Variants in CAMTA1 observed in about 807,000 individuals in gnomAD.
The protein encoded by CAMTA1 is calmodulin binding transcription activator 1, also known as calmodulin-binding transcription activator 1.
In CAMTA1, 27 loss-of-function variants were observed where a neutral mutation model predicts 170.9. The observed-to-expected ratio is 0.16, with a 90% CI of 0.12 to 0.22. The LOEUF is 0.22. CAMTA1 is among the 10% of genes least tolerant of loss of function. The probability of loss-of-function intolerance (pLI) is 1.00; values close to 1 mark genes in which losing one functional copy is unlikely to be tolerated. For synonymous variants in CAMTA1, 833 were observed against 891.5 expected (o/e 0.93, Z 1.17); for missense variants, 1,619 against 2,217.2 (o/e 0.73, Z 5.42).
At chr1:7,603,171 T>C (rs1366454331) in intron 6 of CAMTA1, among the ~76,000 whole-genome samples, 1 of 152,178 alleles carries the variant, frequency 6.6e-6, no homozygotes, top group Non-Finnish European at 1.5e-5. Context: ...TGATTTGGGG[T>C]GGAGAGTTCT....
intron 11 of CAMTA1, among the ~76,000 whole-genome samples, chr1:7,711,732 G>T (rs940337520): frequency 6.6e-6 from 1 of 152,172 alleles, no homozygotes; most frequent in African/African-American, 2.4e-5. Flanking sequence ...CTCTTTTCTA[G>T]TGAAAGAAGC....
chr1:7,408,215 G>A (rs2090440997), intron 5 of CAMTA1, among the ~76,000 whole-genome samples: 1 of 151,538 alleles, frequency 6.6e-6, no homozygotes, highest in African/African-American at 2.4e-5. Context: ...CCCCCGGCAA[G>A]CCTGGCGATG....
At chr1:6,900,008 G>T (rs1676584767) in intron 3 of CAMTA1, among the ~76,000 whole-genome samples, 1 of 152,316 alleles carries the variant, frequency 6.6e-6, no homozygotes, top group East Asian at 1.9e-4. Flanking sequence ...GTGTCTCTTT[G>T]CTGGTGGGAA....
At chr1:7,001,206 C>A (rs533394621) in intron 3 of CAMTA1, among the ~76,000 whole-genome samples, 9 of 152,264 alleles carry the variant, frequency 5.9e-5, no homozygotes, top group Admixed American at 3.9e-4. Flanking sequence ...GCACTTCTCA[C>A]CATTTCATAA....
At chr1:7,460,923 G>A (rs2093070693) in intron 5 of CAMTA1, among the ~76,000 whole-genome samples, 4 of 152,228 alleles carry the variant, frequency 2.6e-5, no homozygotes, top group South Asian at 2.1e-4. Context: ...CTGTGGTGGT[G>A]TGGAGGCCAC....
chr1:7,350,243 G>A (rs2084554360), intron 5 of CAMTA1, among the ~76,000 whole-genome samples: 1 of 152,120 alleles, frequency 6.6e-6, no homozygotes, highest in South Asian at 2.1e-4. Flanking sequence ...CAGGAACAGT[G>A]GATGCCGGAT....
At chr1:7,608,987 G>T (rs1019069706) in intron 6 of CAMTA1, among the ~76,000 whole-genome samples, 1 of 152,064 alleles carries the variant, frequency 6.6e-6, no homozygotes. Context: ...GTGAGGGCAG[G>T]AGCTGTCTGG....
intron 5 of CAMTA1, among the ~76,000 whole-genome samples, chr1:7,408,809 TG>T (rs1482007578): frequency 6.6e-6 from 1 of 152,172 alleles, no homozygotes; most frequent in East Asian, 1.9e-4. Context: ...AATTGGCAGG[TG>T]GGGAAACTGA....
At chr1:6,795,017 G>A (rs906260573) in intron 1 of CAMTA1, among the ~76,000 whole-genome samples, 1 of 151,704 alleles carries the variant, frequency 6.6e-6, no homozygotes, top group Admixed American at 6.6e-5. Flanking sequence ...GTAGGCCTGT[G>A]CTGGGTCATT....
intron 5 of CAMTA1, among the ~76,000 whole-genome samples, chr1:7,353,696 T>A (rs2084877643): frequency 6.6e-6 from 1 of 152,182 alleles, no homozygotes; most frequent in African/African-American, 2.4e-5. Flanking sequence ...AGTGCTGGGA[T>A]TACAGGTGTG....
At position 7,764,718 on chromosome 1, in the gene CAMTA1, G is replaced by C. The variant is rs2097004196; in HGVS notation, c.4990-1741G>C. Among the ~76,000 whole-genome samples, 3 of 152,136 alleles carry C rather than the reference G, an allele frequency of 2.0e-5. No individual in the cohort carries two copies. In the South Asian group the frequency reaches 6.2e-4, roughly 31 times the overall value. On this transcript the variant is annotated intron_variant, in intron 22 of 22. Transcript: ENST00000303635. Reference sequence around the variant, plus strand: ...CTCATGCCTGTAATTCAAGCACTTTGGGAGGCTGAGGTGGGCAGATCACTT... The same window carrying C: ...CTCATGCCTGTAATTCAAGCACTTTCGGAGGCTGAGGTGGGCAGATCACTT...
intron 6 of CAMTA1, among the ~76,000 whole-genome samples, chr1:7,566,181 G>A (rs2095039264): frequency 6.6e-6 from 1 of 152,200 alleles, no homozygotes; most frequent in Non-Finnish European, 1.5e-5. Flanking sequence ...CTAGAGACTG[G>A]AGACAAGGGA....
intron 6 of CAMTA1, among the ~76,000 whole-genome samples, chr1:7,601,407 A>G (rs1355527326): frequency 1.3e-5 from 2 of 150,816 alleles, no homozygotes; most frequent in Non-Finnish European, 3.0e-5. Flanking sequence ...GACGCTCCTC[A>G]CTTCCTAGAT....
intron 4 of CAMTA1, among the ~76,000 whole-genome samples, chr1:7,208,478 G>A (rs1658166019): frequency 6.6e-6 from 1 of 152,164 alleles, no homozygotes; most frequent in Non-Finnish European, 1.5e-5. Context: ...GTCTACCCCT[G>A]TGCTAGGTGA....
At chr1:7,247,376 G>T (rs1029610236) in intron 4 of CAMTA1, among the ~76,000 whole-genome samples, 1 of 152,214 alleles carries the variant, frequency 6.6e-6, no homozygotes. Flanking sequence ...TACCACTTAC[G>T]ATGTGGGAAC....
At chr1:7,103,944 C>T (rs1479409805) in intron 4 of CAMTA1, among the ~76,000 whole-genome samples, 2 of 147,540 alleles carry the variant, frequency 1.4e-5, no homozygotes, top group Admixed American at 6.8e-5. Flanking sequence ...ACACATACAG[C>T]ACACACGTAC....
chr1:6,937,216 C>T (rs1181868267), intron 3 of CAMTA1, among the ~76,000 whole-genome samples: 1 of 151,794 alleles, frequency 6.6e-6, no homozygotes, highest in East Asian at 1.9e-4. Context: ...TCACCATCAT[C>T]ATTCACCACT....
chr1:7,341,636 C>T (rs1446118600), intron 5 of CAMTA1, among the ~76,000 whole-genome samples: 1 of 152,184 alleles, frequency 6.6e-6, no homozygotes, highest in Non-Finnish European at 1.5e-5. Context: ...GTGACCCCAG[C>T]CAGCCCGGGC....
chr1:7,289,470 CA>C (rs1672806102), intron 5 of CAMTA1, among the ~76,000 whole-genome samples: 1 of 152,150 alleles, frequency 6.6e-6, no homozygotes, highest in Admixed American at 6.5e-5. Context: ...GAAAGAGGAA[CA>C]GGGGCTCCAT....
Sources: gnomAD v4.1 joint callset for allele counts (sites outside exome capture counted in the v4.1 genomes callset) on GRCh38, gnomAD v4.1.1 for gene constraint, MANE v1.5 for transcripts, NCBI Gene and HGNC (gene_info 2026-07-23, HGNC 2026-07-21) for gene names.